LRBA: variants seen among roughly 807,000 people sequenced by gnomAD.
The protein encoded by LRBA is LPS responsive beige-like anchor protein, also known as lipopolysaccharide-responsive and beige-like anchor protein.
A neutral mutation model predicts 330.0 loss-of-function variants in LRBA; 176 were observed. That is an observed-to-expected ratio of 0.53 (90% CI 0.47 to 0.60). The LOEUF (loss-of-function observed/expected upper bound fraction) is 0.60. Among genes scored for constraint, LRBA ranks in the 20% least tolerant of loss-of-function variants. The pLI, the probability that LRBA is intolerant of heterozygous loss-of-function variation, is 0.00. For missense variants in LRBA, 3,259 were observed against 3,444.8 expected, an observed-to-expected ratio of 0.95 and a Z score of 1.35; for synonymous variants, 1,230 against 1,193.0, an observed-to-expected ratio of 1.03 and a Z score of -0.64.
chr4:150,539,205 A>AC (rs1765044126), intron 40 of LRBA, among the ~76,000 whole-genome samples: 1 of 152,116 alleles, frequency 6.6e-6, no homozygotes, highest in Admixed American at 6.5e-5. Context: ...CAATCTCTTG[A>AC]CGTCGTGATC....
intron 4 of LRBA, among the ~76,000 whole-genome samples, chr4:150,926,067 G>A (rs886501961): frequency 1.4e-4 from 21 of 152,214 alleles, no homozygotes; most frequent in Non-Finnish European, 1.0e-4. Context: ...TGGAAAGAAA[G>A]TGGAGTCCAC....
intron 31 of LRBA, among the ~76,000 whole-genome samples, chr4:150,813,161 T>TA (rs368824811): frequency 6.7e-4 from 88 of 131,494 alleles, no homozygotes; most frequent in Non-Finnish European, 1.1e-3. Flanking sequence ...CTGTCTCAAT[T>TA]AAAAAAAAAA....
chr4:150,358,587 C>T (rs1738212031), intron 47 of LRBA, among the ~76,000 whole-genome samples: 1 of 151,652 alleles, frequency 6.6e-6, no homozygotes, highest in South Asian at 2.1e-4. Context: ...CTTTATATTG[C>T]TGTTATATTT....
At chr4:150,966,192 G>T (rs1487810582) in intron 2 of LRBA, among the ~76,000 whole-genome samples, 1 of 152,180 alleles carries the variant, frequency 6.6e-6, no homozygotes, top group Non-Finnish European at 1.5e-5. Context: ...TGGTAGAAAA[G>T]AAGTGAATCA....
At chr4:150,313,619 T>C (rs1163704169) in intron 51 of LRBA, among the ~76,000 whole-genome samples, 1 of 152,026 alleles carries the variant, frequency 6.6e-6, no homozygotes, top group Non-Finnish European at 1.5e-5. Context: ...AAAAGAGTTA[T>C]GTTCATTCAT....
intron 40 of LRBA, among the ~76,000 whole-genome samples, chr4:150,512,846 A>G (rs1012882208): frequency 2.6e-5 from 4 of 152,220 alleles, no homozygotes; most frequent in Admixed American, 6.5e-5. Context: ...AAAATATGCA[A>G]TGTAGATTTG....
At chr4:150,317,549 A>C (rs1731877702) in intron 50 of LRBA, among the ~76,000 whole-genome samples, 1 of 152,154 alleles carries the variant, frequency 6.6e-6, no homozygotes, top group South Asian at 2.1e-4. Flanking sequence ...TCTGCTGGCA[A>C]AGAAATCACA....
At position 150,583,468 on chromosome 4, in the gene LRBA, G is replaced by A. The variant is rs751148176; in HGVS notation, c.6330+4580C>T. On this transcript the variant is annotated intron_variant, in intron 40 of 56. Coordinates refer to ENST00000651943, the MANE Select transcript of LRBA (RefSeq NM_001364905.1). The surrounding 1 kb of genome is among the most constrained non-coding windows in gnomAD (Gnocchi z 9.8). ...GGCGGTGGACAAGTGCAGCTATCGG[G>A]ATGTGGTCAAGATGATCGCGGACAC... The A allele has an allele frequency of 1.2e-6, 2 of 1,613,806 alleles. No homozygotes were observed. Among genetic ancestry groups the A allele is most frequent in the East Asian group, 2.2e-5 (1 of 44,872 alleles).
intron 47 of LRBA, among the ~76,000 whole-genome samples, chr4:150,406,053 T>C (rs1054746493): frequency 7.2e-5 from 11 of 151,880 alleles, no homozygotes; most frequent in African/African-American, 2.4e-4. Flanking sequence ...AGATTCTGTC[T>C]CAAAAAATAA....
At chr4:150,912,687 C>A (rs1320127122) in intron 9 of LRBA, among the ~76,000 whole-genome samples, 1 of 152,102 alleles carries the variant, frequency 6.6e-6, no homozygotes, top group Non-Finnish European at 1.5e-5. Flanking sequence ...TTGGGGACTG[C>A]TGCTCTATTT....
intron 53 of LRBA, among the ~76,000 whole-genome samples, chr4:150,298,888 G>A (rs921188834): frequency 5.3e-5 from 8 of 152,004 alleles, no homozygotes; most frequent in African/African-American, 1.7e-4. Flanking sequence ...GAAGCTGATC[G>A]AATGTGGCTT....
intron 17 of LRBA, among the ~76,000 whole-genome samples, chr4:150,873,034 T>G (rs1753617774): frequency 6.6e-6 from 1 of 152,174 alleles, no homozygotes; most frequent in East Asian, 1.9e-4. Flanking sequence ...TCAGATACTT[T>G]TTTCCTTCTG....
chr4:150,778,475 TTA>T (rs1231120371), intron 34 of LRBA, among the ~76,000 whole-genome samples: 4 of 152,222 alleles, frequency 2.6e-5, no homozygotes, highest in Admixed American at 6.5e-5. Context: ...CCTCTTGCTT[TTA>T]TGTTTAGGCA....
At chr4:150,857,664 A>G (rs1476460769) in intron 22 of LRBA, among the ~76,000 whole-genome samples, 1 of 152,194 alleles carries the variant, frequency 6.6e-6, no homozygotes, top group African/African-American at 2.4e-5. Context: ...TCATTGGTCA[A>G]TGATAAGGAA....
At chr4:150,741,779 G>A (rs1375318870) in intron 35 of LRBA, among the ~76,000 whole-genome samples, 6 of 152,052 alleles carry the variant, frequency 3.9e-5, no homozygotes, top group African/African-American at 1.4e-4. Flanking sequence ...AATATAAAAT[G>A]TATGAATTGC....
intron 35 of LRBA, among the ~76,000 whole-genome samples, chr4:150,738,282 C>T (rs547884590): frequency 5.3e-5 from 8 of 152,172 alleles, no homozygotes; most frequent in African/African-American, 1.7e-4. Context: ...TGAGACACAG[C>T]AGCCGGCCGA....
chr4:150,415,457 A>T lies in LRBA; in HGVS notation c.7175T>A (p.Phe2392Tyr). 1 of 1,613,554 alleles carries T rather than the reference A, an allele frequency of 6.2e-7. No homozygotes were observed. Among genetic ancestry groups the T allele is most frequent in the Non-Finnish European group, 8.5e-7 (1 of 1,179,720 alleles). Residue 2392 changes from phenylalanine to tyrosine, a missense_variant, in exon 47 of 57, where the codon TTT becomes TAT. Coordinates refer to ENST00000651943, the MANE Select transcript of LRBA (RefSeq NM_001364905.1). The stretch of plus-strand genomic sequence containing the variant: ...TCTTACCAATCTGTTTATGTGAACA[A>T]ATTCTTCTGAGGTTTTGGCCCAAGG... ...LPPWAKTSEE[F>Y]VHINRLALES...
intron 40 of LRBA, among the ~76,000 whole-genome samples, chr4:150,573,994 G>A (rs1770212998): frequency 6.6e-6 from 1 of 151,756 alleles, no homozygotes; most frequent in Non-Finnish European, 1.5e-5. Context: ...ACTTACTTTG[G>A]CTTCAAGAAC....
At chr4:150,671,445 A>C (rs1366947251) in intron 37 of LRBA, among the ~76,000 whole-genome samples, 3 of 152,262 alleles carry the variant, frequency 2.0e-5, no homozygotes, top group East Asian at 3.9e-4. Flanking sequence ...AGATATACCC[A>C]AGAGATATTC....
Sources: gnomAD v4.1 joint callset for allele counts (sites outside exome capture counted in the v4.1 genomes callset) on GRCh38, gnomAD v4.1.1 for gene constraint, Gnocchi (gnomAD v3.1) non-coding constraint, MANE v1.5 for transcripts, NCBI Gene and HGNC (gene_info 2026-07-23, HGNC 2026-07-21) for gene names.